The following MICU3 variants were observed in gnomAD, a reference collection of about 807,000 sequenced individuals.
MICU3 encodes the protein calcium uptake protein 3, mitochondrial.
In MICU3, 62 loss-of-function variants were observed where a neutral mutation model predicts 66.5. The observed-to-expected ratio is 0.93, with a 90% CI of 0.76 to 1.15. The LOEUF (loss-of-function observed/expected upper bound fraction) is 1.15. Among genes scored for constraint, MICU3 ranks in the 50% most tolerant of loss-of-function variants. The pLI is 0.00. For missense variants in MICU3, 779 were observed against 664.4 expected, an observed-to-expected ratio of 1.17 and a Z score of -1.90; for synonymous variants, 308 against 240.7, an observed-to-expected ratio of 1.28 and a Z score of -2.59.
chr8:17,119,331 G>A (rs918614415), intron 14 of MICU3, among the ~76,000 whole-genome samples: 6 of 151,934 alleles, frequency 3.9e-5, no homozygotes, highest in African/African-American at 1.5e-4. Context: ...CCCAAAAAAT[G>A]TGTCAAACTT....
chr8:17,116,670 G>C, intron 13 of MICU3, 70 bp downstream of exon 13: 1 of 1,135,582 alleles, frequency 8.8e-7, no homozygotes, highest in Non-Finnish European at 1.2e-6. Context: ...CATCTAAGTT[G>C]AGAAATAATT....
intron 11 of MICU3, among the ~76,000 whole-genome samples, chr8:17,106,107 G>A (rs1247055821): frequency 1.3e-5 from 2 of 152,034 alleles, no homozygotes; most frequent in Non-Finnish European, 2.9e-5. Flanking sequence ...TAACAAATGT[G>A]TTGTCAGTGC....
chr8:17,103,277 A>C (rs920820074), intron 9 of MICU3, among the ~76,000 whole-genome samples: 7 of 151,912 alleles, frequency 4.6e-5, no homozygotes, highest in African/African-American at 1.7e-4. Context: ...TGAGGAATTA[A>C]AGGAATATGA....
chr8:17,138,526 T>A, the MICU3 span, among the ~76,000 whole-genome samples: 1,677 of 152,248 alleles, frequency 0.011, 32 homozygotes, highest in African/African-American at 0.038. Context: ...GTCCACTTTG[T>A]CTTTAATTTA....
Position 17,105,442 on chromosome 8 carries a change from T to C in MICU3, c.1115T>C (p.Leu372Pro), listed in dbSNP as rs1055575487. Reference sequence around the variant, plus strand: ...ATGGATAATCTCCAAACAGAAGTTCTAGAAATAGAATTCCTTTCCTACTCA... The same window carrying C: ...ATGGATAATCTCCAAACAGAAGTTCCAGAAATAGAATTCCTTTCCTACTCA... ...RFMDNLQTEV[L>P]EIEFLSYSNG... Residue 372 changes from leucine to proline, a missense_variant, in exon 11 of 15, where the codon CTA becomes CCA. Transcript: ENST00000318063. 32 of 1,563,612 alleles carry C rather than the reference T, an allele frequency of 2.0e-5. No individual in the cohort carries two copies. The highest frequency in any genetic ancestry group is 2.4e-5 in the Non-Finnish European group (28 of 1,151,908).
At position 17,027,763 on chromosome 8, in the gene MICU3, C is replaced by G. The variant is rs983871141; in HGVS notation, c.381+103C>G. 5.6e-5 allele frequency: 68 copies of G among 1,224,048 alleles called. No homozygotes were observed. The Admixed American group carries it at 1.3e-3, about 23-fold the overall frequency. The allele number at this position is 1,224,048 out of a possible 1,614,324, so 75.8% of individuals were successfully genotyped here. A position where few individuals can be genotyped will look rare whatever the true frequency, so the allele number is the denominator to read the frequency against. On this transcript the variant is annotated intron_variant, in intron 1 of 14. Transcript: ENST00000318063. ...GGGGACGGTGCAAGCGCTGTGGCCGCGGGTGAGGAACTTCCCGTGAGCGAG... is the reference window on the plus strand; with the variant it reads ...GGGGACGGTGCAAGCGCTGTGGCCGGGGGTGAGGAACTTCCCGTGAGCGAG...
At chr8:17,129,444 A>C in the MICU3 span, among the ~76,000 whole-genome samples, 1 of 152,266 alleles carries the variant, frequency 6.6e-6, no homozygotes, top group African/African-American at 2.4e-5. Context: ...AATTACAGAC[A>C]GAACAATGAA....
chr8:17,059,951 T>A (rs117874637), intron 1 of MICU3, among the ~76,000 whole-genome samples: 5,918 of 152,276 alleles, frequency 0.039, 172 homozygotes, highest in Non-Finnish European at 0.059. Context: ...TAGTAGGATT[T>A]TTACAACAGA....
chr8:17,066,133 C>A (rs1818640782), intron 2 of MICU3, among the ~76,000 whole-genome samples: 1 of 151,256 alleles, frequency 6.6e-6, no homozygotes, highest in Non-Finnish European at 1.5e-5. Flanking sequence ...TTTATTTAAT[C>A]CATTTGGTAC....
intron 1 of MICU3, chr8:17,049,712 G>A (rs1815734773): frequency 8.0e-6 from 4 of 498,836 alleles, no homozygotes; most frequent in Admixed American, 3.9e-5. Context: ...TAATACTGAA[G>A]TTCTGGTCCC....
At chr8:17,038,046 A>G (rs1055707496) in intron 1 of MICU3, among the ~76,000 whole-genome samples, 1 of 152,206 alleles carries the variant, frequency 6.6e-6, no homozygotes, top group African/African-American at 2.4e-5. Context: ...TTATAGGCTC[A>G]TAGGCAGAAA....
intron 3 of MICU3, among the ~76,000 whole-genome samples, chr8:17,073,188 A>C (rs867543037): frequency 1.3e-5 from 2 of 152,234 alleles, no homozygotes; most frequent in Non-Finnish European, 2.9e-5. Flanking sequence ...GTAGAAATGC[A>C]TACTAGAGAA....
intron 9 of MICU3, 29 bp from the exon 10 acceptor site, chr8:17,104,362 T>A: frequency 8.3e-7 from 1 of 1,198,544 alleles, no homozygotes; most frequent in Non-Finnish European, 1.1e-6. Context: ...TTATTGAAGC[T>A]AACTTTTAAA....
At chr8:17,133,240 T>C in the MICU3 span, among the ~76,000 whole-genome samples, 1 of 152,234 alleles carries the variant, frequency 6.6e-6, no homozygotes, top group Non-Finnish European at 1.5e-5. Context: ...TCTAGTTGTT[T>C]GTTTGTTTTT....
At chr8:17,096,149 G>A (rs891852380) in intron 8 of MICU3, among the ~76,000 whole-genome samples, 15 of 151,838 alleles carry the variant, frequency 9.9e-5, no homozygotes, top group East Asian at 1.9e-4. Flanking sequence ...AAGTCTTTGC[G>A]TATTGGTCTA....
rs562346811 is a variant in MICU3 at position 17,100,043 on chromosome 8, G to C, written c.984+1490G>C. Among the ~76,000 whole-genome samples, 3 of 151,888 alleles carry C rather than the reference G, an allele frequency of 2.0e-5. No individual in the cohort carries two copies. In the East Asian group the frequency reaches 5.8e-4, roughly 29 times the overall value. On this transcript the variant is annotated intron_variant, in intron 9 of 14. Coordinates refer to ENST00000318063, the MANE Select transcript of MICU3 (RefSeq NM_181723.3). ...ATCTTTGGAAAAGGTATATGGTTCT[G>C]TTGTAGATAGACTGGAGGAGCTGTG...
intron 3 of MICU3, among the ~76,000 whole-genome samples, chr8:17,071,588 A>G (rs1819594656): frequency 6.6e-6 from 1 of 152,206 alleles, no homozygotes; most frequent in Non-Finnish European, 1.5e-5. Context: ...AATTGAGACC[A>G]TAATATGTAG....
chr8:17,029,473 TCTC>T, intron 1 of MICU3, among the ~76,000 whole-genome samples: 1 of 151,778 alleles, frequency 6.6e-6, no homozygotes, highest in Non-Finnish European at 1.5e-5. Context: ...CGAAACTCCA[TCTC>T]AAAAAAAAAA....
intron 1 of MICU3, among the ~76,000 whole-genome samples, chr8:17,039,745 A>C (rs2150519119): frequency 6.6e-6 from 1 of 151,928 alleles, no homozygotes; most frequent in African/African-American, 2.4e-5. Flanking sequence ...TTCTACCCAA[A>C]GATTAAAGGA....
Sources: allele counts gnomAD v4.1 joint callset (sites outside exome capture counted in the v4.1 genomes callset), GRCh38; gene constraint gnomAD v4.1.1; transcripts MANE v1.5; gene names NCBI Gene and HGNC (gene_info 2026-07-23, HGNC 2026-07-21).